Variants in CTNNA2 observed in about 807,000 individuals in gnomAD.
The protein encoded by CTNNA2 is catenin alpha 2.
CTNNA2 carries 42 observed loss-of-function variants against 101.0 expected under a neutral mutation model. The ratio of observed to expected loss-of-function variants is 0.42; its 90% CI spans 0.32 to 0.54. The LOEUF (loss-of-function observed/expected upper bound fraction) is 0.54. Ranked by LOEUF, CTNNA2 falls within the 20% of genes least tolerant of loss-of-function variation. The probability of loss-of-function intolerance (pLI) is 0.14; values close to 1 mark genes in which losing one functional copy is unlikely to be tolerated. For missense variants in CTNNA2, 871 were observed against 1,223.1 expected, an observed-to-expected ratio of 0.71 and a Z score of 4.29; for synonymous variants, 450 against 456.4, an observed-to-expected ratio of 0.99 and a Z score of 0.18.
intron 7 of CTNNA2, among the ~76,000 whole-genome samples, chr2:80,153,851 A>G (rs778784394): frequency 4.6e-5 from 7 of 152,230 alleles, no homozygotes; most frequent in Non-Finnish European, 8.8e-5. Context: ...GTATTATTAC[A>G]TTCAAATTAC....
rs149478907 is a variant in CTNNA2 at position 80,082,908 on chromosome 2, T to C, written c.1056+173111T>C. On this transcript the variant is annotated intron_variant, in intron 7 of 18. Transcript: ENST00000402739. ...GCTGTAATAGACTGTGCCCTGTGAT[T>C]TCTTGCACTCAAAAGGTAACCTCCC... Among the ~76,000 whole-genome samples, 7 of 152,284 alleles carry C rather than the reference T, an allele frequency of 4.6e-5. 1 individual carries two copies. Among genetic ancestry groups the C allele is most frequent in the African/African-American group, 1.7e-4 (7 of 41,554 alleles).
intron 1 of CTNNA2, among the ~76,000 whole-genome samples, chr2:79,531,809 G>C (rs1672762448): frequency 6.6e-6 from 1 of 151,782 alleles, no homozygotes; most frequent in Non-Finnish European, 1.5e-5. Flanking sequence ...TGGTTCCTGA[G>C]TTGCTGGGAT....
chr2:80,092,295 T>A (rs1001299919), intron 7 of CTNNA2, among the ~76,000 whole-genome samples: 11 of 152,116 alleles, frequency 7.2e-5, no homozygotes, highest in African/African-American at 2.7e-4. Context: ...AAACTTGCAT[T>A]CCTCATCAGT....
Position 79,984,369 on chromosome 2 carries a change from G to C in CTNNA2, c.1056+74572G>C, listed in dbSNP as rs571727703. Among the ~76,000 whole-genome samples, 228 of 152,098 alleles carry C rather than the reference G, an allele frequency of 1.5e-3. 1 individual carries two copies. The highest frequency in any genetic ancestry group is 3.5e-3 in the Admixed American group (54 of 15,266). On this transcript the variant is annotated intron_variant, in intron 7 of 18. Transcript: ENST00000402739. ...GTTATTGATGGGGGCATTGATCCAA[G>C]TCCTTCTTCTCACTTCAATATTAAA...
intron 7 of CTNNA2, among the ~76,000 whole-genome samples, chr2:80,299,862 G>T (rs902102043): frequency 6.6e-6 from 1 of 152,124 alleles, no homozygotes; most frequent in African/African-American, 2.4e-5. Context: ...GCTCTTTAAT[G>T]CACCAAGCCA....
chr2:80,148,213 T>C (rs190283371), intron 7 of CTNNA2, among the ~76,000 whole-genome samples: 2 of 152,358 alleles, frequency 1.3e-5, no homozygotes, highest in East Asian at 3.9e-4. Flanking sequence ...TTTAAAGGCA[T>C]TGGCAGATTT....
rs1307660818 is a variant in CTNNA2, at chr2:79,871,201, C to T, written c.585+1266C>T. On this transcript the variant is annotated intron_variant, in intron 5 of 18. Transcript: ENST00000402739. The stretch of plus-strand genomic sequence containing the variant: ...CAACAGGAAAGTTCCACTCAACAAA[C>T]ATTTATTGAATGTTCATTCTGTGCC... Among the ~76,000 whole-genome samples, 4 of 152,188 alleles carry T rather than the reference C, an allele frequency of 2.6e-5. No homozygotes were observed. The South Asian group carries it at 6.2e-4, about 24-fold the overall frequency.
intron 3 of CTNNA2, among the ~76,000 whole-genome samples, chr2:79,356,301 G>T (rs1677507721): frequency 1.3e-5 from 2 of 151,804 alleles, no homozygotes; most frequent in Non-Finnish European, 2.9e-5. Flanking sequence ...TAATTGGGTT[G>T]CTTATTTTTC....
At chr2:79,558,014 A>G (rs1674549583) in intron 1 of CTNNA2, among the ~76,000 whole-genome samples, 1 of 151,970 alleles carries the variant, frequency 6.6e-6, no homozygotes, top group Non-Finnish European at 1.5e-5. Context: ...GTTTACACAC[A>G]TAGAGATTTA....
chr2:79,603,146 G>GA (rs560429095), intron 1 of CTNNA2, among the ~76,000 whole-genome samples: 2 of 151,540 alleles, frequency 1.3e-5, no homozygotes, highest in African/African-American at 4.8e-5. Context: ...ACATGCATGG[G>GA]AAAAAAAAGA....
At position 80,133,972 on chromosome 2, in the gene CTNNA2, A is replaced by G. The variant is rs77767986; in HGVS notation, c.1056+224175A>G. 7.5e-4 allele frequency among the ~76,000 whole-genome samples: 114 copies of G among 152,298 alleles called. No homozygotes were observed. The East Asian group carries it at 0.021, about 28-fold the overall frequency. On this transcript the variant is annotated intron_variant, in intron 7 of 18. Coordinates refer to ENST00000402739, the MANE Select transcript of CTNNA2 (RefSeq NM_001282597.3). ...GGAATAATACTATTAGTGCCTGTCT[A>G]TTAGGTCATGGTGAGGGTTAAATGA...
intron 1 of CTNNA2, among the ~76,000 whole-genome samples, chr2:79,632,390 T>G (rs1338693428): frequency 1.3e-5 from 2 of 152,152 alleles, no homozygotes; most frequent in East Asian, 1.9e-4. Flanking sequence ...CCAGAAAATT[T>G]TAATGAAAAA....
intron 3 of CTNNA2, among the ~76,000 whole-genome samples, chr2:79,363,527 T>C (rs1677677010): frequency 1.3e-5 from 2 of 151,312 alleles, no homozygotes; most frequent in African/African-American, 2.4e-5. Flanking sequence ...TAGGTATTTA[T>C]TACATTTAAC....
chr2:80,306,406 TTCTTTCTTTC>T (rs1676983950), intron 7 of CTNNA2, among the ~76,000 whole-genome samples: 1 of 106,976 alleles, frequency 9.3e-6, no homozygotes, highest in Non-Finnish European at 2.0e-5. Flanking sequence ...TTTCTTTTCT[TTCTTTCTTTC>T]TTTCTTTCTT....
chr2:80,386,575 C>T (rs895495428), intron 7 of CTNNA2, among the ~76,000 whole-genome samples: 22 of 152,134 alleles, frequency 1.4e-4, no homozygotes, highest in Admixed American at 1.2e-3. Flanking sequence ...ATAATTTTTT[C>T]TTCTCCCTCC....
At chr2:79,940,657 A>G (rs940611148) in intron 7 of CTNNA2, among the ~76,000 whole-genome samples, 1 of 152,172 alleles carries the variant, frequency 6.6e-6, no homozygotes, top group Admixed American at 6.6e-5. Context: ...TTCCTCTGGC[A>G]CATTTCTGTT....
chr2:79,586,183 A>C, intron 1 of CTNNA2, among the ~76,000 whole-genome samples: 1 of 152,046 alleles, frequency 6.6e-6, no homozygotes, highest in South Asian at 2.1e-4. Flanking sequence ...AGGCCTCAGC[A>C]CATCACCGGC....
intron 5 of CTNNA2, among the ~76,000 whole-genome samples, chr2:79,507,378 T>A (rs1226917008): frequency 6.6e-6 from 1 of 152,146 alleles, no homozygotes; most frequent in African/African-American, 2.4e-5. Context: ...ATGCCATTAC[T>A]GAGGGTGTGG....
intron 6 of CTNNA2, among the ~76,000 whole-genome samples, chr2:79,876,345 G>C (rs1458591332): frequency 6.6e-6 from 1 of 152,068 alleles, no homozygotes; most frequent in African/African-American, 2.4e-5. Flanking sequence ...TTAAAGGTGT[G>C]TATTGAAACA....
Sources: allele counts gnomAD v4.1 joint callset (sites outside exome capture counted in the v4.1 genomes callset), GRCh38; gene constraint gnomAD v4.1.1; transcripts MANE v1.5; gene names NCBI Gene and HGNC (gene_info 2026-07-23, HGNC 2026-07-21).